The following TPX2 variants were observed in gnomAD, a reference collection of about 807,000 sequenced individuals.
TPX2 encodes targeting protein for Xklp2.
In TPX2, 21 loss-of-function variants were observed where a neutral mutation model predicts 93.6. That is an observed-to-expected ratio of 0.22 (90% CI 0.16 to 0.32). The LOEUF (loss-of-function observed/expected upper bound fraction) is 0.32, where lower values mean the gene tolerates loss of function less well. TPX2 is among the 10% of genes least tolerant of loss of function. The pLI is 1.00. For synonymous variants in TPX2, 281 were observed against 298.3 expected, an observed-to-expected ratio of 0.94 and a Z score of 0.60; for missense variants, 776 against 871.1, an observed-to-expected ratio of 0.89 and a Z score of 1.37.
intron 2 of TPX2, among the ~76,000 whole-genome samples, chr20:31,750,495 T>C (rs1600354916): frequency 6.8e-6 from 1 of 146,142 alleles, no homozygotes; most frequent in Non-Finnish European, 1.5e-5. Flanking sequence ...TATTTATTTA[T>C]GAGACGGAGT....
At chr20:31,745,454 C>T (rs574018778) in intron 2 of TPX2, among the ~76,000 whole-genome samples, 2 of 151,750 alleles carry the variant, frequency 1.3e-5, no homozygotes, top group African/African-American at 2.4e-5. Context: ...CTCAGCCTCC[C>T]GAGTAGCTAG....
At chr20:31,792,630 G>A in intron 12 of TPX2, 105 bp from the exon 13 acceptor site, 1 of 1,103,164 alleles carries the variant, frequency 9.1e-7, no homozygotes, top group East Asian at 2.4e-5. Context: ...GGGCAACATA[G>A]TGAGACCCTG....
At chr20:31,792,385 A>C (rs1600392804) in intron 12 of TPX2, among the ~76,000 whole-genome samples, 1 of 152,216 alleles carries the variant, frequency 6.6e-6, no homozygotes, top group East Asian at 1.9e-4. Flanking sequence ...TAAAAGGATT[A>C]TGAGATGTAG....
At chr20:31,800,888 T>C in intron 17 of TPX2, 82 bp from the exon 18 acceptor site, 2 of 1,213,052 alleles carry the variant, frequency 1.6e-6, no homozygotes, top group East Asian at 2.3e-5. Context: ...ACAAACATTT[T>C]CTCAAAAAGA....
At chr20:31,774,418 A>AT (rs1323132735) in intron 7 of TPX2, among the ~76,000 whole-genome samples, 4 of 150,996 alleles carry the variant, frequency 2.6e-5, no homozygotes, top group African/African-American at 9.8e-5. Context: ...TTTCCTTTTT[A>AT]TTTTTTTTCT....
chr20:31,771,114 C>T (rs758697229), intron 6 of TPX2, among the ~76,000 whole-genome samples: 2 of 152,188 alleles, frequency 1.3e-5, no homozygotes, highest in Non-Finnish European at 2.9e-5. Context: ...AATTTCATTT[C>T]ATTCGCCTAG....
intron 16 of TPX2, 150 bp from the exon 17 acceptor site, chr20:31,798,215 T>C: frequency 2.2e-6 from 2 of 928,636 alleles, no homozygotes; most frequent in Non-Finnish European, 3.2e-6. Flanking sequence ...CTTTTTGTAT[T>C]TAGTTGGCTC....
intron 12 of TPX2, among the ~76,000 whole-genome samples, chr20:31,786,280 A>G (rs115711738): frequency 0.011 from 1,664 of 151,594 alleles, 21 homozygotes; most frequent in African/African-American, 0.038. Flanking sequence ...ATAAAAATAG[A>G]GGTTACCTTT....
At chr20:31,750,779 TAAATC>T (rs920703359) in intron 2 of TPX2, among the ~76,000 whole-genome samples, 1 of 152,212 alleles carries the variant, frequency 6.6e-6, no homozygotes, top group Non-Finnish European at 1.5e-5. Context: ...ATTATTTCCT[TAAATC>T]AAGAGATTAG....
chr20:31,766,826 TGTTTCGCTC>T, intron 5 of TPX2, 144 bp downstream of exon 5: 3 of 884,968 alleles, frequency 3.4e-6, no homozygotes, highest in Non-Finnish European at 4.5e-6. Context: ...TGAGACGGAG[TGTTTCGCTC>T]TTTTGCCCAG....
At chr20:31,796,272 T>G (rs1176473104) in intron 15 of TPX2, among the ~76,000 whole-genome samples, 1 of 152,198 alleles carries the variant, frequency 6.6e-6, no homozygotes, top group Admixed American at 6.5e-5. Context: ...ACTGGATACT[T>G]CTACCTGTGT....
At chr20:31,753,887 G>T (rs1419237338) in intron 2 of TPX2, among the ~76,000 whole-genome samples, 3 of 152,110 alleles carry the variant, frequency 2.0e-5, no homozygotes, top group African/African-American at 7.2e-5. Context: ...TTAGCCAGGC[G>T]TGGTGGCGCA....
At position 31,766,809 on chromosome 20, in the gene TPX2, TTTTTTTTGAGACG is replaced by T. The variant is rs2061930263; in HGVS notation, c.356+128_356+140del. ...CCTTTATGTTACTTTTTTTTTTTTT[TTTTTTTTGAGACG>T]GAGTGTTTCGCTCTTTTGCCCAGGC... On this transcript the variant is annotated intron_variant, in intron 5 of 17. Transcript: ENST00000300403. The T allele has an allele frequency of 8.1e-6, 9 of 1,117,814 alleles. No homozygotes were observed. The South Asian group carries it at 1.7e-4, about 22-fold the overall frequency. 69.2% of individuals were successfully genotyped at this position (1,117,814 alleles called of 1,614,324 possible). A position where few individuals can be genotyped will look rare whatever the true frequency, so the allele number is the denominator to read the frequency against.
intron 15 of TPX2, 93 bp from the exon 16 acceptor site, chr20:31,797,311 A>C (rs2062144683): frequency 2.7e-6 from 3 of 1,096,780 alleles, no homozygotes; most frequent in African/African-American, 1.6e-5. Context: ...ATTTTTATTG[A>C]TGAAGCAGTT....
At chr20:31,765,426 CT>C (rs569382639) in intron 4 of TPX2, among the ~76,000 whole-genome samples, 4 of 151,746 alleles carry the variant, frequency 2.6e-5, no homozygotes, top group African/African-American at 4.8e-5. Context: ...TCCCTACCCC[CT>C]GTCCTTTTTC....
chr20:31,800,517 G>A (rs1331716421), intron 17 of TPX2, among the ~76,000 whole-genome samples: 3 of 152,130 alleles, frequency 2.0e-5, no homozygotes, highest in Non-Finnish European at 4.4e-5. Flanking sequence ...CACCCTTCCT[G>A]GTATGGTTGT....
At chr20:31,743,483 C>T (rs1444758273) in intron 2 of TPX2, among the ~76,000 whole-genome samples, 1 of 151,978 alleles carries the variant, frequency 6.6e-6, no homozygotes, top group African/African-American at 2.4e-5. Flanking sequence ...GCCAGGAGTT[C>T]GCGACCAGCC....
intron 2 of TPX2, among the ~76,000 whole-genome samples, chr20:31,745,044 G>A (rs1203843078): frequency 2.6e-5 from 4 of 152,130 alleles, no homozygotes; most frequent in Non-Finnish European, 5.9e-5. Context: ...CCGAGATCGC[G>A]CCATTGCACT....
intron 3 of TPX2, among the ~76,000 whole-genome samples, chr20:31,759,770 C>A (rs996589784): frequency 2.0e-5 from 3 of 151,912 alleles, no homozygotes; most frequent in South Asian, 4.2e-4. Flanking sequence ...TTGTATGACC[C>A]TAAATGTGTA....
Sources: gnomAD v4.1 joint callset for allele counts (sites outside exome capture counted in the v4.1 genomes callset) on GRCh38, gnomAD v4.1.1 for gene constraint, MANE v1.5 for transcripts, NCBI Gene and HGNC (gene_info 2026-07-23, HGNC 2026-07-21) for gene names.